Variants in KANSL3 observed in about 807,000 individuals in gnomAD.
KANSL3 encodes the protein KAT8 regulatory NSL complex subunit 3, also known as NSL complex protein NSL3.
A neutral mutation model predicts 89.2 loss-of-function variants in KANSL3; 16 were observed. The observed-to-expected ratio is 0.18, with a 90% CI of 0.12 to 0.27. KANSL3 has a LOEUF of 0.27. KANSL3 is among the 10% of genes least tolerant of loss of function. The pLI, the probability that KANSL3 is intolerant of heterozygous loss-of-function variation, is 1.00. For missense variants in KANSL3, 879 were observed against 1,110.6 expected (o/e 0.79, Z 2.96); for synonymous variants, 385 against 419.7 (o/e 0.92, Z 1.01).
chr2:96,599,289 AAG>A (rs1264005643), intron 20 of KANSL3, among the ~76,000 whole-genome samples: 12 of 152,214 alleles, frequency 7.9e-5, no homozygotes, highest in South Asian at 2.1e-4. Context: ...AGAAAACACA[AAG>A]AGAGAGTTTC....
At chr2:96,605,092 T>A (rs2067780707) in intron 15 of KANSL3, among the ~76,000 whole-genome samples, 1 of 152,200 alleles carries the variant, frequency 6.6e-6, no homozygotes, top group African/African-American at 2.4e-5. Context: ...GAACAAAATA[T>A]AGGATGCTTT....
intron 12 of KANSL3, 73 bp downstream of exon 12, chr2:96,609,426 C>G: frequency 7.2e-7 from 1 of 1,384,210 alleles, no homozygotes; most frequent in Non-Finnish European, 1.0e-6. Context: ...GAGACCACTA[C>G]CAATAAGACC....
At chr2:96,591,415 G>C (rs938604019), downstream of KANSL3, among the ~76,000 whole-genome samples, 1 of 152,064 alleles carries the variant, frequency 6.6e-6, no homozygotes, top group African/African-American at 2.4e-5. Context: ...TTTTGTTTAT[G>C]GTTACAGCGA....
At position 96,593,538 on chromosome 2, in the gene KANSL3, G is replaced by A. The variant is rs993212559; in HGVS notation, c.*2073C>T. On this transcript the variant is annotated 3_prime_UTR_variant, in exon 21 of 21. Coordinates refer to ENST00000431828, the MANE Select transcript of KANSL3 (RefSeq NM_001115016.3). Reference sequence around the variant, plus strand: ...CCTCAGCCACTTCCTCTGTTACCCTGTGCAAGTTGTAGAACAATCCACGTT... The same window carrying A: ...CCTCAGCCACTTCCTCTGTTACCCTATGCAAGTTGTAGAACAATCCACGTT... 2.9e-6 allele frequency: 1 copy of A among 344,416 alleles called. No homozygotes were observed. The highest frequency in any genetic ancestry group is 5.7e-6 in the Non-Finnish European group (1 of 174,202). 21.3% of individuals were successfully genotyped at this position (344,416 alleles called of 1,614,324 possible). A position where few individuals can be genotyped will look rare whatever the true frequency, so the allele number is the denominator to read the frequency against.
At position 96,604,294 on chromosome 2, in the gene KANSL3, A is replaced by G. The variant is rs368608976; in HGVS notation, c.2105T>C (p.Leu702Pro). 4.3e-6 allele frequency: 7 copies of G among 1,612,868 alleles called. No homozygotes were observed. Among genetic ancestry groups the G allele is most frequent in the Non-Finnish European group, 5.9e-6 (7 of 1,179,644 alleles). The change falls in exon 17 of 21, where the codon CTG becomes CCG. Residue 702 changes from leucine to proline, a missense_variant. Physicochemically the swap from Leu to Pro is moderately conservative, Grantham distance 98. This residue lies in a region of KANSL3 where 317 missense variants were observed against 311.2 expected (regional missense o/e 1.02). Coordinates refer to ENST00000431828, the MANE Select transcript of KANSL3 (RefSeq NM_001115016.3). The part of the protein sequence containing the change: ...SSTAPSALHT[L>P]QSRLVATSPG... ...AGATGTGGCCACCAGGCGGCTCTGC[A>G]GTGTGTGCAAGGCACTGGGTGCAGT...
At chr2:96,581,263 A>T in the KANSL3 span, among the ~76,000 whole-genome samples, 55 of 152,292 alleles carry the variant, frequency 3.6e-4, no homozygotes, top group East Asian at 8.5e-3. Context: ...ATCTCTACTA[A>T]AAATACAAAA....
intron 3 of KANSL3, among the ~76,000 whole-genome samples, chr2:96,627,095 G>A (rs956360631): frequency 1.7e-4 from 26 of 152,188 alleles, no homozygotes; most frequent in African/African-American, 6.3e-4. Flanking sequence ...TCAGCCCACT[G>A]TCATAGTTAG....
At chr2:96,632,584 A>G (rs927742785) in intron 2 of KANSL3, among the ~76,000 whole-genome samples, 1 of 152,224 alleles carries the variant, frequency 6.6e-6, no homozygotes, top group African/African-American at 2.4e-5. Flanking sequence ...AAGACCAGCT[A>G]GGCAGCCACT....
At chr2:96,623,992 T>C (rs1165309878) in intron 3 of KANSL3, among the ~76,000 whole-genome samples, 3 of 152,264 alleles carry the variant, frequency 2.0e-5, no homozygotes, top group Non-Finnish European at 4.4e-5. Flanking sequence ...CTGAGGTTTC[T>C]TGGAATTGTC....
chr2:96,602,895 C>T, intron 17 of KANSL3, 33 bp from the exon 18 acceptor site: 1 of 1,594,372 alleles, frequency 6.3e-7, no homozygotes, highest in East Asian at 2.2e-5. Context: ...TCAGTAGAGA[C>T]TCAATCACTT....
In KANSL3 at chr2:96,637,317, T is replaced by C. The variant is rs779719690; in HGVS notation, c.-50-132A>G. ...TATCCATTTCACGGCAGACCTCTGG[T>C]GGGGACGGTTCGTGGAATCCCACAC... On this transcript the variant is annotated intron_variant, in intron 1 of 20. Coordinates refer to ENST00000431828, the MANE Select transcript of KANSL3 (RefSeq NM_001115016.3). The C allele has an allele frequency of 7.5e-5, 39 of 518,526 alleles. No individual in the cohort carries two copies. In the Admixed American group the frequency reaches 1.0e-3, roughly 14 times the overall value. 32.1% of individuals were successfully genotyped at this position (518,526 alleles called of 1,614,324 possible). A position where few individuals can be genotyped will look rare whatever the true frequency, so the allele number is the denominator to read the frequency against.
intron 2 of KANSL3, chr2:96,634,209 T>C (rs2073915392): frequency 6.6e-6 from 1 of 152,210 alleles, no homozygotes; most frequent in South Asian, 2.1e-4. Context: ...AATGAACATC[T>C]AAAGGTCTTT....
At chr2:96,609,940 G>A (rs1225097095) in intron 11 of KANSL3, among the ~76,000 whole-genome samples, 1 of 117,744 alleles carries the variant, frequency 8.5e-6, no homozygotes, top group African/African-American at 3.7e-5. Flanking sequence ...GACAGAGCCA[G>A]GCGCCACCTC....
intron 20 of KANSL3, among the ~76,000 whole-genome samples, chr2:96,598,491 G>A (rs77427837): frequency 0.014 from 2,159 of 152,206 alleles, 33 homozygotes; most frequent in East Asian, 0.082. Flanking sequence ...TCTTTTGATA[G>A]GGTCTTGTTG....
rs747605391 is a variant in KANSL3 at position 96,605,305 on chromosome 2, C to T, written c.1933+15G>A. ...GAGAGCTCAGTTCTCATTTAACGTA[C>T]CAAGAGAAACTCACCTTCTGGAGCA... On this transcript the variant is annotated intron_variant, in intron 15 of 20. Coordinates refer to ENST00000431828, the MANE Select transcript of KANSL3 (RefSeq NM_001115016.3). 3 of 1,600,934 alleles carry T rather than the reference C, an allele frequency of 1.9e-6. No homozygotes were observed. Among genetic ancestry groups the T allele is most frequent in the East Asian group, 4.5e-5 (2 of 44,632 alleles).
chr2:96,600,238 A>G (rs1380473218), intron 20 of KANSL3: 1 of 167,410 alleles, frequency 6.0e-6, no homozygotes, highest in African/African-American at 2.4e-5. Flanking sequence ...ATAAAATAAC[A>G]TACTTTGTGT....
chr2:96,633,195 T>C (rs1270835020), intron 2 of KANSL3, among the ~76,000 whole-genome samples: 1 of 151,502 alleles, frequency 6.6e-6, no homozygotes, highest in Admixed American at 6.6e-5. Context: ...GAGGCGGACG[T>C]TGCAGTGAGC....
chr2:96,585,694 A>C, the KANSL3 span, among the ~76,000 whole-genome samples: 1 of 152,226 alleles, frequency 6.6e-6, no homozygotes, highest in Admixed American at 6.5e-5. Context: ...GCAACTGCAA[A>C]AACATGGAAC....
intron 2 of KANSL3, among the ~76,000 whole-genome samples, chr2:96,633,477 G>A (rs2073777378): frequency 6.6e-6 from 1 of 151,850 alleles, no homozygotes; most frequent in African/African-American, 2.4e-5. Flanking sequence ...GCTGAGGCAG[G>A]AGAATGGCGT....
Sources: gnomAD v4.1 joint callset for allele counts (sites outside exome capture counted in the v4.1 genomes callset) on GRCh38, gnomAD v4.1.1 for gene constraint, gnomAD v4.1.1 regional missense constraint, MANE v1.5 for transcripts, NCBI Gene and HGNC (gene_info 2026-07-23, HGNC 2026-07-21) for gene names.